CAMTA1: variants seen among roughly 807,000 people sequenced by gnomAD.
CAMTA1 encodes calmodulin binding transcription activator 1, also known as calmodulin-binding transcription activator 1.
Under a neutral mutation model 170.9 loss-of-function variants are expected in CAMTA1, and 27 were observed. That is an observed-to-expected ratio of 0.16 (90% CI 0.12 to 0.22). CAMTA1 has a LOEUF of 0.22. Among genes scored for constraint, CAMTA1 ranks in the 10% least tolerant of loss-of-function variants. The pLI is 1.00. For missense variants in CAMTA1, 1,619 were observed against 2,217.2 expected (o/e 0.73, Z 5.42); for synonymous variants, 833 against 891.5 (o/e 0.93, Z 1.17).
At chr1:6,979,196 G>A (rs1361920709) in intron 3 of CAMTA1, among the ~76,000 whole-genome samples, 2 of 152,130 alleles carry the variant, frequency 1.3e-5, no homozygotes, top group African/African-American at 4.8e-5. Context: ...AGGCCTGGCA[G>A]GGCAGCCCCA....
At chr1:7,567,590 G>A (rs1263323926) in intron 6 of CAMTA1, among the ~76,000 whole-genome samples, 2 of 152,236 alleles carry the variant, frequency 1.3e-5, no homozygotes, top group Admixed American at 6.5e-5. Context: ...GCTTCCTGGT[G>A]GGTTGTTTGC....
intron 5 of CAMTA1, among the ~76,000 whole-genome samples, chr1:7,332,683 T>G (rs2083105573): frequency 6.6e-6 from 1 of 152,234 alleles, no homozygotes; most frequent in African/African-American, 2.4e-5. Flanking sequence ...ATGTCGCTAA[T>G]GAGCGACACA....
At chr1:7,419,009 A>G (rs895855433) in intron 5 of CAMTA1, among the ~76,000 whole-genome samples, 2 of 152,102 alleles carry the variant, frequency 1.3e-5, no homozygotes, top group African/African-American at 4.8e-5. Context: ...GCCTCACTCA[A>G]ATTAAAAGCC....
intron 5 of CAMTA1, among the ~76,000 whole-genome samples, chr1:7,278,150 A>C (rs908048550): frequency 2.0e-5 from 3 of 152,240 alleles, no homozygotes; most frequent in African/African-American, 7.2e-5. Context: ...TCCTTCAGAA[A>C]GGCTGTGTTA....
chr1:7,762,398 A>G (rs1050579355), intron 22 of CAMTA1, among the ~76,000 whole-genome samples: 2 of 152,242 alleles, frequency 1.3e-5, no homozygotes, highest in African/African-American at 2.4e-5. Context: ...CTGATTTGAA[A>G]CATCTATTTC....
intron 11 of CAMTA1, among the ~76,000 whole-genome samples, chr1:7,724,636 T>G (rs940539954): frequency 6.6e-6 from 1 of 151,870 alleles, no homozygotes; most frequent in Middle Eastern, 3.4e-3. Context: ...ATTGAGACCA[T>G]CCTGGCTAAC....
At position 7,535,840 on chromosome 1, in the gene CAMTA1, C is replaced by A. The variant is rs1467275465; in HGVS notation, c.510+67939C>A. On this transcript the variant is annotated intron_variant, in intron 6 of 22. Transcript: ENST00000303635. ...GCACCTTTCAAAGAGGCTTCTACCC[C>A]ACAGGAACCTGGGGCGCTGCCACAG... Among the ~76,000 whole-genome samples, 6 of 152,270 alleles carry A rather than the reference C, an allele frequency of 3.9e-5. No individual in the cohort carries two copies. In the South Asian group the frequency reaches 6.2e-4, roughly 16 times the overall value.
At chr1:7,704,251 G>A (rs918694672) in intron 11 of CAMTA1, among the ~76,000 whole-genome samples, 4 of 146,460 alleles carry the variant, frequency 2.7e-5, no homozygotes, top group African/African-American at 9.8e-5. Context: ...CCCCGACGGC[G>A]CGGGGAGCCA....
intron 5 of CAMTA1, among the ~76,000 whole-genome samples, chr1:7,281,841 G>GTA (rs1376441014): frequency 1.5e-5 from 2 of 131,206 alleles, no homozygotes; most frequent in Admixed American, 8.3e-5. Context: ...GTGTGTGTGT[G>GTA]TGTATGATTA....
intron 3 of CAMTA1, among the ~76,000 whole-genome samples, chr1:6,860,892 A>G (rs949441206): frequency 2.6e-5 from 4 of 151,554 alleles, no homozygotes; most frequent in African/African-American, 9.7e-5. Context: ...AGCCTGGGTG[A>G]CAGAGTGAGA....
chr1:7,686,044 A>T (rs1469083335), intron 11 of CAMTA1, among the ~76,000 whole-genome samples: 2 of 152,018 alleles, frequency 1.3e-5, no homozygotes, highest in East Asian at 3.9e-4. Context: ...AGCCCAAACT[A>T]ATCAATTGTG....
rs4908610 is a variant in CAMTA1, at chr1:7,251,200, C to T, written c.438+1574C>T. ...GGAACTTCTGCTCGTGAGTAACAGC[C>T]GGGTGGAATTCTTCCTCAGCAGCAG... On this transcript the variant is annotated intron_variant, in intron 5 of 22. Coordinates refer to ENST00000303635, the MANE Select transcript of CAMTA1 (RefSeq NM_015215.4). This position sits in a 1 kb window ranked among gnomAD's most constrained non-coding sequence, Gnocchi z 5.1. 2.0e-5 allele frequency among the ~76,000 whole-genome samples: 3 copies of T among 151,916 alleles called. No individual in the cohort carries two copies. The highest frequency in any genetic ancestry group is 4.4e-5 in the Non-Finnish European group (3 of 67,978).
chr1:7,611,289 C>A (rs1400934986), intron 6 of CAMTA1, among the ~76,000 whole-genome samples: 1 of 152,144 alleles, frequency 6.6e-6, no homozygotes, highest in Non-Finnish European at 1.5e-5. Context: ...CACAACAGTT[C>A]CAACTTTTTA....
chr1:7,536,037 T>C (rs78349144), intron 6 of CAMTA1, among the ~76,000 whole-genome samples: 1 of 152,346 alleles, frequency 6.6e-6, no homozygotes, highest in African/African-American at 2.4e-5. Flanking sequence ...AAATCCTTTA[T>C]GTATAGACTT....
chr1:7,504,448 C>T (rs553797994), intron 6 of CAMTA1, among the ~76,000 whole-genome samples: 3 of 152,356 alleles, frequency 2.0e-5, no homozygotes, highest in South Asian at 2.1e-4. Flanking sequence ...GACCCCTGTC[C>T]GTCAGGGAGG....
chr1:7,501,496 GGA>G (rs1304222184), intron 6 of CAMTA1, among the ~76,000 whole-genome samples: 1 of 152,188 alleles, frequency 6.6e-6, no homozygotes, highest in African/African-American at 2.4e-5. Flanking sequence ...GGTGGGAAGA[GGA>G]GAGAGGGATG....
chr1:7,515,737 G>A (rs1340522138), intron 6 of CAMTA1, among the ~76,000 whole-genome samples: 3 of 152,150 alleles, frequency 2.0e-5, no homozygotes, highest in African/African-American at 7.2e-5. Context: ...AACCTCTCGC[G>A]AGCCCTGGAC....
intron 4 of CAMTA1, among the ~76,000 whole-genome samples, chr1:7,194,539 A>T (rs1655153397): frequency 6.6e-6 from 1 of 152,182 alleles, no homozygotes; most frequent in African/African-American, 2.4e-5. Flanking sequence ...CCTTTGAAAG[A>T]TGTCTCAGTT....
intron 1 of CAMTA1, among the ~76,000 whole-genome samples, chr1:6,812,943 G>T (rs1003941947): frequency 2.6e-5 from 4 of 152,154 alleles, no homozygotes; most frequent in African/African-American, 9.7e-5. Flanking sequence ...AAAATGGTTT[G>T]TGCCCCAATT....
Sources: gnomAD v4.1 joint callset for allele counts (sites outside exome capture counted in the v4.1 genomes callset) on GRCh38, gnomAD v4.1.1 for gene constraint, Gnocchi (gnomAD v3.1) non-coding constraint, MANE v1.5 for transcripts, NCBI Gene and HGNC (gene_info 2026-07-23, HGNC 2026-07-21) for gene names.